Variants in SSMEM1 observed in about 807,000 individuals in gnomAD.
SSMEM1 encodes serine-rich single-pass membrane protein 1.
A neutral mutation model predicts 9.9 loss-of-function variants in SSMEM1; 12 were observed. The ratio of observed to expected loss-of-function variants is 1.21; its 90% CI spans 0.78 to 1.96. The LOEUF (loss-of-function observed/expected upper bound fraction) is 1.96, where lower values mean the gene tolerates loss of function less well. Among genes scored for constraint, SSMEM1 ranks in the 30% most tolerant of loss-of-function variants. SSMEM1 has a pLI of 0.00. For synonymous variants in SSMEM1, 96 were observed against 98.9 expected, an observed-to-expected ratio of 0.97 and a Z score of 0.17; for missense variants, 259 against 292.2, an observed-to-expected ratio of 0.89 and a Z score of 0.83.
At chr7:130,214,768 G>A (rs894659315) in intron 2 of SSMEM1, among the ~76,000 whole-genome samples, 3 of 152,136 alleles carry the variant, frequency 2.0e-5, no homozygotes, top group Non-Finnish European at 2.9e-5. Context: ...ATTTTGCAGG[G>A]TTAGTCACAA....
rs552666457 is a variant in SSMEM1 at position 130,216,480 on chromosome 7, C to T, written c.*10C>T. On this transcript the variant is annotated 3_prime_UTR_variant, in exon 3 of 3. Coordinates refer to ENST00000297819, the MANE Select transcript of SSMEM1 (RefSeq NM_145268.4). ...ATTTAGTAAATTTTGAATTTTATCACGTTCTTCCTTCACTTGAAGCCAAAT... is the reference window on the plus strand; with the variant it reads ...ATTTAGTAAATTTTGAATTTTATCATGTTCTTCCTTCACTTGAAGCCAAAT... 55 of 1,605,966 alleles carry T rather than the reference C, an allele frequency of 3.4e-5. 1 individual carries two copies. The highest frequency in any genetic ancestry group is 5.5e-5 in the South Asian group (5 of 90,596).
In SSMEM1 at chr7:130,215,978, C is replaced by A. The variant is rs796391280; in HGVS notation, c.243C>A (p.Ser81Arg). Reference sequence around the variant, plus strand: ...ATATGTTTCATTGGTTGTTAGCAAGCAAAGAGACTTCCTGTAAGCGGCAAA... The same window carrying A: ...ATATGTTTCATTGGTTGTTAGCAAGAAAAGAGACTTCCTGTAAGCGGCAAA... ...SGTSTSVRKA[S>R]KETSCKRQSK... The change falls in exon 3 of 3, where the codon AGC (serine) becomes AGA (arginine). Residue 81 changes from serine (S) to arginine (R), a missense_variant. By Grantham distance (110) the Ser-to-Arg change is moderately radical. Transcript: ENST00000297819. 24 of 1,613,298 alleles carry A rather than the reference C, an allele frequency of 1.5e-5. No individual in the cohort carries two copies. The Admixed American group carries it at 3.8e-4, about 26-fold the overall frequency.
intron 1 of SSMEM1, among the ~76,000 whole-genome samples, chr7:130,210,439 G>A (rs566758138): frequency 4.5e-4 from 69 of 152,274 alleles, no homozygotes; most frequent in Admixed American, 4.4e-3. Flanking sequence ...CATGAAGCAC[G>A]CTGATTTCCT....
intron 1 of SSMEM1, among the ~76,000 whole-genome samples, chr7:130,209,799 C>T (rs760901420): frequency 9.2e-5 from 14 of 152,092 alleles, no homozygotes; most frequent in Non-Finnish European, 1.6e-4. Flanking sequence ...AGGCTGGTGT[C>T]GAACTCCTGA....
At chr7:130,206,999 A>AAG (rs1798493925), upstream of SSMEM1, 1 of 166,762 alleles carries the variant, frequency 6.0e-6, no homozygotes, top group South Asian at 1.1e-4. Flanking sequence ...AAAAAAAAAA[A>AAG]AAAATTAGAA....
At position 130,216,357 on chromosome 7, in the gene SSMEM1, G is replaced by T. The variant is rs373382166; in HGVS notation, c.622G>T (p.Glu208Ter). Residue 208 changes from glutamate to a stop codon, truncating the protein, a stop_gained, in exon 3 of 3, where the codon GAA becomes TAA. Transcript: ENST00000297819. LOFTEE classifies it low-confidence loss of function (END_TRUNC). ...CLHCKALRTNEWLAHHSRQKP... is the reference protein window; with the variant it reads ...CLHCKALRTN ...CCACTGCAAAGCCTTGAGAACCAACGAATGGTTGGCGCACCATTCCCGACA... is the reference window on the plus strand; with the variant it reads ...CCACTGCAAAGCCTTGAGAACCAACTAATGGTTGGCGCACCATTCCCGACA... The T allele has an allele frequency of 6.2e-7, 1 of 1,614,076 alleles. No individual in the cohort carries two copies. Among genetic ancestry groups the T allele is most frequent in the Non-Finnish European group, 8.5e-7 (1 of 1,180,048 alleles).
intron 2 of SSMEM1, 144 bp downstream of exon 2, chr7:130,213,678 G>A (rs1251800299): frequency 7.6e-6 from 1 of 131,518 alleles, no homozygotes; most frequent in Non-Finnish European, 1.5e-5. Context: ...TGAGAACATA[G>A]TGAGACCCAG....
At chr7:130,205,415 T>A (rs761534953), upstream of SSMEM1, 1 of 1,613,522 alleles carries the variant, frequency 6.2e-7, no homozygotes, top group East Asian at 2.2e-5. Flanking sequence ...CCACTCTCTC[T>A]GGGCATGCGC....
intron 2 of SSMEM1, among the ~76,000 whole-genome samples, chr7:130,214,809 T>C (rs1359304464): frequency 6.6e-6 from 1 of 152,234 alleles, no homozygotes; most frequent in Non-Finnish European, 1.5e-5. Flanking sequence ...TACTGAAATG[T>C]AATATGTAAT....
intron 2 of SSMEM1, among the ~76,000 whole-genome samples, 174 bp downstream of exon 2, chr7:130,213,708 A>AG (rs1798645700): frequency 6.7e-6 from 1 of 149,828 alleles, no homozygotes; most frequent in South Asian, 2.1e-4. Flanking sequence ...AAAAAAAAAA[A>AG]AAAAAAGAAA....
intron 1 of SSMEM1, among the ~76,000 whole-genome samples, chr7:130,209,564 G>A (rs183069887): frequency 1.3e-5 from 2 of 152,214 alleles, no homozygotes; most frequent in African/African-American, 4.8e-5. Flanking sequence ...CATGAATTAA[G>A]AGGTCTAAGC....
chr7:130,216,258 A>G lies in SSMEM1; in HGVS notation c.523A>G (p.Ser175Gly), dbSNP rs1798705962. The G allele has an allele frequency of 1.9e-6, 3 of 1,614,072 alleles. No individual in the cohort carries two copies. In the Admixed American group the frequency reaches 5.0e-5, roughly 27 times the overall value. ...SESEHHPSPD[S>G]IKRRKMAQRQ... ...AAGTGAACACCACCCATCACCAGACAGTATTAAGAGGAGAAAAATGGCTCA... is the reference window on the plus strand; with the variant it reads ...AAGTGAACACCACCCATCACCAGACGGTATTAAGAGGAGAAAAATGGCTCA... The change falls in exon 3 of 3, where the codon AGT (serine) becomes GGT (glycine). Residue 175 changes from serine (S) to glycine (G), a missense_variant. By Grantham distance (56) the Ser-to-Gly change is moderately conservative (BLOSUM62 0). Transcript: ENST00000297819.
At chr7:130,206,333 A>T (rs1368475927), upstream of SSMEM1, among the ~76,000 whole-genome samples, 5 of 152,228 alleles carry the variant, frequency 3.3e-5, no homozygotes, top group Admixed American at 2.6e-4. Flanking sequence ...GCCCAGCCCC[A>T]GCTCTCGCGA....
intron 1 of SSMEM1, among the ~76,000 whole-genome samples, chr7:130,209,274 G>A (rs1410886759): frequency 2.0e-5 from 3 of 152,202 alleles, no homozygotes; most frequent in Non-Finnish European, 4.4e-5. Context: ...GCCTGGGCTG[G>A]CAGTGGTAAG....
chr7:130,205,458 G>T, upstream of SSMEM1: 1 of 1,608,166 alleles, frequency 6.2e-7, no homozygotes. Context: ...CCACCGGCAA[G>T]CGGCTCTAAA....
intron 2 of SSMEM1, 89 bp downstream of exon 2, chr7:130,213,623 T>C: frequency 1.8e-6 from 2 of 1,135,898 alleles, no homozygotes; most frequent in Non-Finnish European, 2.5e-6. Context: ...CTCAGAAGGC[T>C]GAGGCAGGAG....
chr7:130,215,388 T>C (rs575006976), intron 2 of SSMEM1, among the ~76,000 whole-genome samples: 1 of 152,130 alleles, frequency 6.6e-6, no homozygotes, highest in Non-Finnish European at 1.5e-5. Context: ...GAAGAGCACA[T>C]AGCATAAACA....
At chr7:130,208,180 A>G in intron 1 of SSMEM1, 87 bp downstream of exon 1, 3 of 1,291,166 alleles carry the variant, frequency 2.3e-6, no homozygotes, top group Non-Finnish European at 3.1e-6. Context: ...ACTTTGATGA[A>G]ACTACTTTTA....
In SSMEM1 at chr7:130,215,870, A is replaced by G. The variant is rs948477760; in HGVS notation, c.239-104A>G. ...ACTGGAGAAAAGCAATGGCTTGACA[A>G]CTGGCCACTAAGAGTGAGCTCACAC... On this transcript the variant is annotated intron_variant, in intron 2 of 2. Transcript: ENST00000297819. 8 of 1,447,032 alleles carry G rather than the reference A, an allele frequency of 5.5e-6. No individual in the cohort carries two copies. The African/African-American group carries it at 7.1e-5, about 13-fold the overall frequency. The allele number at this position is 1,447,032 out of a possible 1,614,324, so 89.6% of individuals were successfully genotyped here.
Sources: allele counts gnomAD v4.1 joint callset (sites outside exome capture counted in the v4.1 genomes callset), GRCh38; gene constraint gnomAD v4.1.1; transcripts MANE v1.5; gene names NCBI Gene and HGNC (gene_info 2026-07-23, HGNC 2026-07-21).